GUCY1A2: variants seen among roughly 807,000 people sequenced by gnomAD.
GUCY1A2 encodes the protein guanylate cyclase 1 soluble subunit alpha 2.
In GUCY1A2, 27 loss-of-function variants were observed where a neutral mutation model predicts 63.5. The observed-to-expected ratio is 0.43, with a 90% CI of 0.31 to 0.59. The LOEUF (loss-of-function observed/expected upper bound fraction) is 0.59. Among genes scored for constraint, GUCY1A2 ranks in the 20% least tolerant of loss-of-function variants. The pLI, the probability that GUCY1A2 is intolerant of heterozygous loss-of-function variation, is 0.11. For missense variants in GUCY1A2, 768 were observed against 913.3 expected (o/e 0.84, Z 2.05); for synonymous variants, 364 against 343.5 (o/e 1.06, Z -0.66).
At position 106,930,623 on chromosome 11, in the gene GUCY1A2, A is replaced by G. The variant is rs148610420; in HGVS notation, c.1206+8837T>C. Among the ~76,000 whole-genome samples, 532 of 152,356 alleles carry G rather than the reference A, an allele frequency of 3.5e-3. 5 individuals carry two copies. The highest frequency in any genetic ancestry group is 0.012 in the African/African-American group (493 of 41,586). Reference sequence around the variant, plus strand: ...ATGCTGTAGCTTAAGTCATGATTCAAAAGTTGCTATAGGAAAAAATACTAA... The same window carrying G: ...ATGCTGTAGCTTAAGTCATGATTCAGAAGTTGCTATAGGAAAAAATACTAA... On this transcript the variant is annotated intron_variant, in intron 4 of 7. Coordinates refer to ENST00000526355, the MANE Select transcript of GUCY1A2 (RefSeq NM_000855.3).
chr11:106,916,101 A>G (rs1860366410), intron 4 of GUCY1A2, among the ~76,000 whole-genome samples: 1 of 145,868 alleles, frequency 6.9e-6, no homozygotes, highest in Non-Finnish European at 1.5e-5. Flanking sequence ...CTTTCTAAAC[A>G]CTAGTCCTAC....
At chr11:106,714,621 A>G (rs568161093) in intron 6 of GUCY1A2, among the ~76,000 whole-genome samples, 2 of 152,206 alleles carry the variant, frequency 1.3e-5, no homozygotes, top group Non-Finnish European at 2.9e-5. Flanking sequence ...ATTTGCATCC[A>G]TCTGGCCAGT....
At chr11:106,868,215 A>T (rs944560597) in intron 4 of GUCY1A2, among the ~76,000 whole-genome samples, 1 of 152,104 alleles carries the variant, frequency 6.6e-6, no homozygotes, top group African/African-American at 2.4e-5. Context: ...GTGAAATGAT[A>T]AGTAGTCATA....
chr11:106,953,551 G>C (rs1028876163), intron 3 of GUCY1A2, among the ~76,000 whole-genome samples: 1 of 152,126 alleles, frequency 6.6e-6, no homozygotes, highest in Non-Finnish European at 1.5e-5. Context: ...AGTTAGGGAA[G>C]ACTCCCTCCT....
chr11:106,793,436 C>T (rs11211912), intron 5 of GUCY1A2, among the ~76,000 whole-genome samples: 49,067 of 151,912 alleles, frequency 0.32, 8,118 homozygotes, highest in Admixed American at 0.41. Context: ...TGACACTGGC[C>T]TTAGCAATGA....
In GUCY1A2 at chr11:106,762,025, T is replaced by C. The variant is rs528522957; in HGVS notation, c.1836+14414A>G. The stretch of plus-strand genomic sequence containing the variant: ...TCTCACTGGTGTAATGAGGCAGGTC[T>C]ACTTTACTTCATTATACTTTGGGTA... On this transcript the variant is annotated intron_variant, in intron 6 of 7. Coordinates refer to ENST00000526355, the MANE Select transcript of GUCY1A2 (RefSeq NM_000855.3). 4.5e-4 allele frequency among the ~76,000 whole-genome samples: 69 copies of C among 152,310 alleles called. 1 individual carries two copies. Among genetic ancestry groups the C allele is most frequent in the Admixed American group, 2.0e-4 (3 of 15,286 alleles).
intron 4 of GUCY1A2, among the ~76,000 whole-genome samples, chr11:106,825,519 G>GT (rs1858957650): frequency 6.7e-6 from 1 of 149,960 alleles, no homozygotes; most frequent in African/African-American, 2.5e-5. Flanking sequence ...AAATATTTGA[G>GT]AATAAGTCCA....
chr11:107,013,124 C>T (rs936754105), intron 1 of GUCY1A2, among the ~76,000 whole-genome samples: 1 of 151,984 alleles, frequency 6.6e-6, no homozygotes, highest in Admixed American at 6.6e-5. Flanking sequence ...TTCCTCTTCA[C>T]TAGTCTCTGT....
chr11:106,776,313 G>T, intron 6 of GUCY1A2, 126 bp downstream of exon 6: 1 of 674,944 alleles, frequency 1.5e-6, no homozygotes, highest in Non-Finnish European at 2.6e-6. Context: ...GTCACTCCTT[G>T]TCCTCCTTAA....
chr11:106,848,180 C>A (rs1859302840), intron 4 of GUCY1A2, among the ~76,000 whole-genome samples: 1 of 151,424 alleles, frequency 6.6e-6, no homozygotes, highest in African/African-American at 2.4e-5. Context: ...ACATGTTGTT[C>A]AATTTTTATT....
Position 106,856,032 on chromosome 11 carries a change from C to T in GUCY1A2, c.1207-45554G>A, listed in dbSNP as rs566922208. Among the ~76,000 whole-genome samples the T allele has an allele frequency of 1.6e-4, 24 of 151,792 alleles. No individual in the cohort carries two copies. In the South Asian group the frequency reaches 4.8e-3, roughly 30 times the overall value. ...CCTCAACTTCCTGGGCTCAGGTGAT[C>T]CTCCCACCTCAGCCTCCCAAGTAGC... On this transcript the variant is annotated intron_variant, in intron 4 of 7. Coordinates refer to ENST00000526355, the MANE Select transcript of GUCY1A2 (RefSeq NM_000855.3).
intron 1 of GUCY1A2, among the ~76,000 whole-genome samples, chr11:107,014,414 A>T (rs561938657): frequency 6.6e-6 from 1 of 152,034 alleles, no homozygotes; most frequent in Non-Finnish European, 1.5e-5. Context: ...TGCCAATATG[A>T]CAGTTTGTCC....
intron 4 of GUCY1A2, among the ~76,000 whole-genome samples, chr11:106,825,698 C>T (rs9888149): frequency 0.91 from 138,415 of 151,974 alleles, 63,100 homozygotes; most frequent in East Asian, 0.99. Context: ...CTGAGCCACA[C>T]TGGAAGAAGA....
chr11:106,870,905 CT>C (rs112528279), intron 4 of GUCY1A2, among the ~76,000 whole-genome samples: 345 of 152,272 alleles, frequency 2.3e-3, no homozygotes, highest in African/African-American at 8.0e-3. Context: ...TTTCTTCCCC[CT>C]ATTCTTGCTT....
chr11:106,794,047 C>T (rs550388250), intron 5 of GUCY1A2, among the ~76,000 whole-genome samples: 2 of 152,226 alleles, frequency 1.3e-5, no homozygotes, highest in African/African-American at 4.8e-5. Context: ...TCTGCACTTC[C>T]ATGTTCATTG....
chr11:106,718,779 T>G (rs1366861556), intron 6 of GUCY1A2, among the ~76,000 whole-genome samples: 1 of 152,120 alleles, frequency 6.6e-6, no homozygotes, highest in African/African-American at 2.4e-5. Flanking sequence ...AGCTGACATA[T>G]TTAACAACAT....
At chr11:106,936,953 A>G (rs1860686733) in intron 4 of GUCY1A2, among the ~76,000 whole-genome samples, 1 of 152,220 alleles carries the variant, frequency 6.6e-6, no homozygotes, top group Non-Finnish European at 1.5e-5. Flanking sequence ...TTTATCAACA[A>G]AAACACAATT....
chr11:106,983,697 C>T (rs1861366168), intron 2 of GUCY1A2, among the ~76,000 whole-genome samples: 1 of 152,186 alleles, frequency 6.6e-6, no homozygotes, highest in South Asian at 2.1e-4. Context: ...CACCTCAACA[C>T]AAGGTATTTA....
intron 4 of GUCY1A2, among the ~76,000 whole-genome samples, chr11:106,911,149 C>T (rs1446860699): frequency 1.3e-5 from 2 of 151,918 alleles, no homozygotes; most frequent in Non-Finnish European, 2.9e-5. Flanking sequence ...AAATGGGTAA[C>T]ATACTGAATA....
Sources: allele counts gnomAD v4.1 joint callset (sites outside exome capture counted in the v4.1 genomes callset), GRCh38; gene constraint gnomAD v4.1.1; transcripts MANE v1.5; gene names NCBI Gene and HGNC (gene_info 2026-07-23, HGNC 2026-07-21).